Variants in ANKRD26 observed in about 807,000 individuals in gnomAD.
ANKRD26 encodes the protein ankyrin repeat domain-containing protein 26.
ANKRD26 carries 141 observed loss-of-function variants against 208.7 expected under a neutral mutation model. The ratio of observed to expected loss-of-function variants is 0.68; its 90% CI spans 0.59 to 0.78. The LOEUF (loss-of-function observed/expected upper bound fraction) is 0.78. Ranked by LOEUF, ANKRD26 falls within the 30% of genes least tolerant of loss-of-function variation. The pLI, the probability that ANKRD26 is intolerant of heterozygous loss-of-function variation, is 0.00. For missense variants in ANKRD26, 1,889 were observed against 1,938.7 expected, an observed-to-expected ratio of 0.97 and a Z score of 0.48; for synonymous variants, 636 against 660.4, an observed-to-expected ratio of 0.96 and a Z score of 0.57.
the ANKRD26 span, among the ~76,000 whole-genome samples, chr10:26,963,763 A>G: frequency 2.6e-5 from 4 of 151,914 alleles, no homozygotes; most frequent in East Asian, 1.9e-4. Flanking sequence ...AATACTTTCA[A>G]TCATCTCTAT....
At chr10:26,980,324 G>A (rs1392052383) in intron 5 of ANKRD26, among the ~76,000 whole-genome samples, 1 of 152,110 alleles carries the variant, frequency 6.6e-6, no homozygotes, top group African/African-American at 2.4e-5. Context: ...CATCCTATTG[G>A]ACCTTTGGAA....
rs1219054446 is a variant in ANKRD26 at position 27,040,175 on chromosome 10, G to A, written c.2165C>T (p.Ser722Phe). ...IEQLGMECKD[S>F]VSLLKIQDAA... ...ATCCTGGATTTTCAATAGGCTAACA[G>A]AATCTGTATCAGGAAGAAAACAAGA... Residue 722 changes from serine (S) to phenylalanine (F), a missense_variant, in exon 21 of 34, where the codon TCT becomes TTT. Physicochemically the swap from Ser to Phe is radical, Grantham distance 155. Transcript: ENST00000376087. 1.9e-6 allele frequency: 3 copies of A among 1,606,664 alleles called. No individual in the cohort carries two copies. The highest frequency in any genetic ancestry group is 1.7e-6 in the Non-Finnish European group (2 of 1,174,636).
At chr10:27,038,727 GAAGT>G (rs898624597) in intron 21 of ANKRD26, among the ~76,000 whole-genome samples, 15 of 151,662 alleles carry the variant, frequency 9.9e-5, no homozygotes, top group African/African-American at 3.6e-4. Flanking sequence ...TAACTAAAAA[GAAGT>G]TAGTTTACTA....
the ANKRD26 span, among the ~76,000 whole-genome samples, chr10:26,958,887 C>T: frequency 2.6e-5 from 4 of 152,216 alleles, no homozygotes; most frequent in African/African-American, 7.2e-5. Flanking sequence ...AATCACCACA[C>T]TGCCTTCCAC....
chr10:26,990,254 C>T (rs2052462346), downstream of ANKRD26, among the ~76,000 whole-genome samples: 3 of 152,140 alleles, frequency 2.0e-5, no homozygotes, highest in South Asian at 6.2e-4. Flanking sequence ...TTTGCAAATA[C>T]CCAGCCAGAG....
chr10:27,062,155 A>G (rs1006163976), intron 12 of ANKRD26: 17 of 984,780 alleles, frequency 1.7e-5, no homozygotes, highest in Non-Finnish European at 1.9e-5. Flanking sequence ...GATTCTTCCC[A>G]TTCTATATTC....
chr10:27,079,510 A>G (rs2135592542), intron 6 of ANKRD26, among the ~76,000 whole-genome samples: 1 of 152,306 alleles, frequency 6.6e-6, no homozygotes, highest in East Asian at 1.9e-4. Context: ...AATCCAATTA[A>G]TGGCTGATAT....
In ANKRD26 at chr10:27,099,562, T is replaced by TA. The variant is rs2056577088; in HGVS notation, c.242+522_242+523insT. On this transcript the variant is annotated intron_variant, in intron 1 of 33. Coordinates refer to ENST00000376087, the MANE Select transcript of ANKRD26 (RefSeq NM_014915.3). Reference sequence around the variant, plus strand: ...TCCAAGTAGCTGAGACTATTAGAGTTGGGGGGGGGGGTCTCGCTATAATGC... The same window carrying TA: ...TCCAAGTAGCTGAGACTATTAGAGTTAGGGGGGGGGGGTCTCGCTATAATGC... 3.5e-5 allele frequency among the ~76,000 whole-genome samples: 4 copies of TA among 113,726 alleles called. 1 individual carries two copies. The South Asian group carries it at 1.5e-3, about 42-fold the overall frequency. The allele number at this position is 113,726 out of a possible 152,430, so 74.6% of individuals were successfully genotyped here. A position where few individuals can be genotyped will look rare whatever the true frequency, so the allele number is the denominator to read the frequency against.
intron 5 of ANKRD26, among the ~76,000 whole-genome samples, chr10:26,976,599 G>A (rs1474540682): frequency 6.6e-6 from 1 of 152,132 alleles, no homozygotes; most frequent in African/African-American, 2.4e-5. Context: ...TTTGTTTGCT[G>A]TACAATGATA....
rs768912820 is a variant in ANKRD26, at chr10:27,035,220, T to A, written c.3230A>T (p.Glu1077Val). Residue 1077 changes from glutamate to valine, a missense_variant, in exon 24 of 34, where the codon GAA (glutamate) becomes GTA (valine). Coordinates refer to ENST00000376087, the MANE Select transcript of ANKRD26 (RefSeq NM_014915.3). ...FKTESKLNSL[E>V]IEFHHTRDAL... Reference sequence around the variant, plus strand: ...ATCTCTCGTGTGATGGAACTCAATTTCTAGGCTATTGAGTTTACTTTCAGT... The same window carrying A: ...ATCTCTCGTGTGATGGAACTCAATTACTAGGCTATTGAGTTTACTTTCAGT... 1.2e-6 allele frequency: 2 copies of A among 1,614,056 alleles called. No individual in the cohort carries two copies. Among genetic ancestry groups the A allele is most frequent in the East Asian group, 4.5e-5 (2 of 44,872 alleles).
At chr10:26,954,397 A>C in the ANKRD26 span, among the ~76,000 whole-genome samples, 1 of 152,046 alleles carries the variant, frequency 6.6e-6, no homozygotes, top group Admixed American at 6.6e-5. Context: ...TTTTATTGAG[A>C]TCCATTGATC....
chr10:27,025,038 A>C (rs1162866461), intron 27 of ANKRD26, among the ~76,000 whole-genome samples: 1 of 152,108 alleles, frequency 6.6e-6, no homozygotes, highest in East Asian at 1.9e-4. Context: ...ATGGGTTTCA[A>C]TTTTTCCTGT....
intron 17 of ANKRD26, among the ~76,000 whole-genome samples, chr10:27,047,149 T>C (rs866362451): frequency 1.3e-5 from 2 of 152,232 alleles, no homozygotes; most frequent in Admixed American, 6.5e-5. Context: ...TCATAATGTT[T>C]CATTTAAATG....
the ANKRD26 span, among the ~76,000 whole-genome samples, chr10:26,958,115 C>T: frequency 4.7e-5 from 7 of 149,018 alleles, no homozygotes; most frequent in Non-Finnish European, 8.9e-5. Context: ...CAGAGTGTTG[C>T]TCTGTCGCCA....
At chr10:26,982,709 G>T (rs1004078705) in exon 4 of ANKRD26, among the ~76,000 whole-genome samples, 1 of 152,162 alleles carries the variant, frequency 6.6e-6, no homozygotes, top group Non-Finnish European at 1.5e-5. Context: ...GTTGGTTCAG[G>T]CTATGCTACT....
the ANKRD26 span, among the ~76,000 whole-genome samples, chr10:26,951,018 TC>T: frequency 0.026 from 1,434 of 55,030 alleles, 103 homozygotes; most frequent in African/African-American, 0.052. Context: ...CTTTTCTTTT[TC>T]TTTTTTTTTT....
chr10:26,989,401 C>G (rs981586647), downstream of ANKRD26, among the ~76,000 whole-genome samples: 6 of 152,122 alleles, frequency 3.9e-5, no homozygotes, highest in Non-Finnish European at 7.3e-5. Flanking sequence ...TATTTTTGGT[C>G]TCCTGGCTCC....
chr10:27,012,975 A>G lies in ANKRD26; in HGVS notation c.4860T>C (p.Asp1620=). Residue 1620 remains aspartate (D), a synonymous_variant, in exon 32 of 34, where the codon GAT becomes GAC. Transcript: ENST00000376087. ...PCVGNLNNSL[D]LNRKLIPREN... is the part of the protein sequence containing the mutation. ...CTCTTGGAATAAGTTTTCTGTTGAGATCTAAACTATTATTAAGATTTCCCA... is the reference window on the plus strand; with the variant it reads ...CTCTTGGAATAAGTTTTCTGTTGAGGTCTAAACTATTATTAAGATTTCCCA... The G allele has an allele frequency of 6.2e-7, 1 of 1,614,072 alleles. No individual in the cohort carries two copies. Among genetic ancestry groups the G allele is most frequent in the Admixed American group, 1.7e-5 (1 of 59,994 alleles).
chr10:27,047,630 A>G (rs574842161), intron 17 of ANKRD26, among the ~76,000 whole-genome samples: 1 of 152,012 alleles, frequency 6.6e-6, no homozygotes, highest in Non-Finnish European at 1.5e-5. Context: ...TCAAAGAAAG[A>G]AAATAAAAGA....
Sources: allele counts gnomAD v4.1 joint callset (sites outside exome capture counted in the v4.1 genomes callset), GRCh38; gene constraint gnomAD v4.1.1; transcripts MANE v1.5; gene names NCBI Gene and HGNC (gene_info 2026-07-23, HGNC 2026-07-21).